The following PAOX variants were observed in gnomAD, a reference collection of about 807,000 sequenced individuals.
PAOX encodes peroxisomal N(1)-acetyl-spermine/spermidine oxidase.
Under a neutral mutation model 39.0 loss-of-function variants are expected in PAOX, and 38 were observed. That is an observed-to-expected ratio of 0.97 (90% CI 0.75 to 1.28). The LOEUF (loss-of-function observed/expected upper bound fraction) is 1.28, where lower values mean the gene tolerates loss of function less well. Ranked by LOEUF, PAOX falls within the 50% of genes most tolerant of loss-of-function variation. The pLI is 0.00. For missense variants in PAOX, 667 were observed against 685.7 expected (o/e 0.97, Z 0.30); for synonymous variants, 311 against 314.4 (o/e 0.99, Z 0.11).
chr10:133,380,130 G>A lies in PAOX; in HGVS notation c.313G>A (p.Gly105Arg), dbSNP rs1424217015. The A allele has an allele frequency of 2.5e-6, 4 of 1,585,838 alleles. No individual in the cohort carries two copies. The highest frequency in any genetic ancestry group is 1.3e-5 in the African/African-American group (1 of 74,432). Reference sequence around the variant, plus strand: ...CCAGGAGAACCAGCTGGTGGAGACCGGGGGTCACGTGGGCCTGCCCTCCGT... The same window carrying A: ...CCAGGAGAACCAGCTGGTGGAGACCAGGGGTCACGTGGGCCTGCCCTCCGT... Reference protein sequence around the residue: ...LSQENQLVETGGHVGLPSVSY... With the variant: ...LSQENQLVETRGHVGLPSVSY... The change falls in exon 2 of 7, where the codon GGG becomes AGG. Residue 105 changes from glycine to arginine, a missense_variant. By Grantham distance (125) the Gly-to-Arg change is moderately radical. Transcript: ENST00000278060.
At chr10:133,385,153 C>T (rs985178031) in intron 4 of PAOX, among the ~76,000 whole-genome samples, 2 of 152,048 alleles carry the variant, frequency 1.3e-5, no homozygotes, top group South Asian at 4.1e-4. Flanking sequence ...AAAAATTAGC[C>T]GGTGTGGTGG....
Position 133,389,769 on chromosome 10 carries a change from G to T in PAOX, c.1392+22G>T, listed in dbSNP as rs375839476. ...CCAGGTATGTGGCGTGCCCCAGTCG[G>T]GGGGCGTGGGTCCCGCTGCAGAGGC... On this transcript the variant is annotated intron_variant, in intron 6 of 6. Coordinates refer to ENST00000278060, the MANE Select transcript of PAOX (RefSeq NM_152911.4). The T allele has an allele frequency of 1.9e-5, 28 of 1,454,292 alleles. No individual in the cohort carries two copies. In the East Asian group the frequency reaches 5.0e-4, roughly 26 times the overall value. The allele number at this position is 1,454,292 out of a possible 1,614,324, so 90.1% of individuals were successfully genotyped here.
At chr10:133,381,029 G>T (rs888061484) in intron 2 of PAOX, among the ~76,000 whole-genome samples, 1 of 152,212 alleles carries the variant, frequency 6.6e-6, no homozygotes, top group Non-Finnish European at 1.5e-5. Flanking sequence ...CTGTATTTAT[G>T]AGGGGCTTCA....
chr10:133,380,870 C>T (rs558908589), intron 2 of PAOX, among the ~76,000 whole-genome samples: 19 of 152,046 alleles, frequency 1.2e-4, no homozygotes, highest in East Asian at 1.9e-4. Context: ...CCCAGCTACT[C>T]GGGAGGCTGA....
At position 133,379,348 on chromosome 10, in the gene PAOX, C is replaced by A; in HGVS notation, c.32C>A (p.Pro11Gln). ...TCGACCGGCAGCGTCGGGGAGGCCC[C>A]GGGCGGACCCCGGGTGCTGGTGGTG... MESTGSVGEAPGGPRVLVVGG... is the reference protein window; with the variant it reads MESTGSVGEAQGGPRVLVVGG... Residue 11 changes from proline (P) to glutamine (Q), a missense_variant, in exon 1 of 7, where the codon CCG (proline) becomes CAG (glutamine). Pro to Gln is a moderately conservative substitution (Grantham distance 76). Coordinates refer to ENST00000278060, the MANE Select transcript of PAOX (RefSeq NM_152911.4). The A allele has an allele frequency of 1.6e-6, 2 of 1,217,914 alleles. No individual in the cohort carries two copies. The highest frequency in any genetic ancestry group is 1.0e-6 in the Non-Finnish European group (1 of 979,186). The allele number at this position is 1,217,914 out of a possible 1,614,324, so 75.4% of individuals were successfully genotyped here. A position where few individuals can be genotyped will look rare whatever the true frequency, so the allele number is the denominator to read the frequency against.
intron 6 of PAOX, chr10:133,391,066 G>C: frequency 1.4e-6 from 1 of 698,006 alleles, no homozygotes; most frequent in Non-Finnish European, 2.6e-6. Flanking sequence ...GTGGATGCGT[G>C]TGAGCCGTTT....
In PAOX at chr10:133,381,628, GGC is replaced by G. The variant is rs1849384612; in HGVS notation, c.840_841del (p.His281ProfsTer12). On this transcript the variant is annotated frameshift_variant, in exon 3 of 7. Coordinates refer to ENST00000278060, the MANE Select transcript of PAOX (RefSeq NM_152911.4). LOFTEE classifies it high-confidence loss of function. ...VECEDGDRFP[A>X]HHVIVTVPLG... Reference sequence around the variant, plus strand: ...AGTGTGAGGATGGAGACCGGTTCCCGGCGCACCATGTCATCGTCACCGTGCCC... The same window carrying G: ...AGTGTGAGGATGGAGACCGGTTCCCGGCACCATGTCATCGTCACCGTGCCC... 1 of 1,613,182 alleles carries G rather than the reference GGC, an allele frequency of 6.2e-7. No homozygotes were observed. Among genetic ancestry groups the G allele is most frequent in the African/African-American group, 1.3e-5 (1 of 74,912 alleles).
At position 133,388,524 on chromosome 10, in the gene PAOX, C is replaced by T. The variant is rs994458150; in HGVS notation, c.1122-432C>T. ...GTGCAGTGGTGGGAACGCCTGTAGG[C>T]GCATGTGGATCCTGTTGCTGCCTGA... is the stretch of plus-strand genomic sequence containing the variant. On this transcript the variant is annotated intron_variant, in intron 4 of 6. Coordinates refer to ENST00000278060, the MANE Select transcript of PAOX (RefSeq NM_152911.4). Among the ~76,000 whole-genome samples the T allele has an allele frequency of 3.3e-5, 5 of 152,208 alleles. No individual in the cohort carries two copies. In the East Asian group the frequency reaches 5.8e-4, roughly 18 times the overall value.
At position 133,381,483 on chromosome 10, in the gene PAOX, GC is replaced by G; in HGVS notation, c.693del (p.Cys231Ter). On this transcript the variant is annotated frameshift_variant, in exon 3 of 7. Coordinates refer to ENST00000278060, the MANE Select transcript of PAOX (RefSeq NM_152911.4). LOFTEE classifies it high-confidence loss of function. ...FSKGYQGLTN[C>X]MMAALPEDTV... ...AGGGGCTATCAAGGACTCACAAACT[GC>G]ATGATGGCCGCCCTGCCGGAGGACA... 1 of 1,613,770 alleles carries G rather than the reference GC, an allele frequency of 6.2e-7. No individual in the cohort carries two copies. The highest frequency in any genetic ancestry group is 8.5e-7 in the Non-Finnish European group (1 of 1,180,032).
At position 133,384,187 on chromosome 10, in the gene PAOX, G is replaced by C; in HGVS notation, c.1096G>C (p.Gly366Arg). Reference protein sequence around the residue: ...LQDAWFRKLIGFVVLPAFASV... With the variant: ...LQDAWFRKLIRFVVLPAFASV... ...GGACGCCTGGTTCCGGAAGCTCATTGGCTTTGTGGTCCTGCCTGCCTTTGC... is the reference window on the plus strand; with the variant it reads ...GGACGCCTGGTTCCGGAAGCTCATTCGCTTTGTGGTCCTGCCTGCCTTTGC... Residue 366 changes from glycine to arginine, a missense_variant, in exon 4 of 7, where the codon GGC (glycine) becomes CGC (arginine). Coordinates refer to ENST00000278060, the MANE Select transcript of PAOX (RefSeq NM_152911.4). The surrounding 1 kb of genome is among the most constrained non-coding windows in gnomAD (Gnocchi z 4.3). The C allele has an allele frequency of 1.9e-6, 3 of 1,613,992 alleles. No individual in the cohort carries two copies.
chr10:133,389,166 T>A, intron 5 of PAOX, 98 bp downstream of exon 5: 1 of 971,702 alleles, frequency 1.0e-6, no homozygotes. Context: ...AAACTAAATT[T>A]GGCTGACTCT....
rs142700329 is a variant in PAOX, at chr10:133,391,465, G to C, written c.*10G>C. On this transcript the variant is annotated 3_prime_UTR_variant, in exon 7 of 7. Coordinates refer to ENST00000278060, the MANE Select transcript of PAOX (RefSeq NM_152911.4). ...CAGGCCCAGGCTCTAGCTGGGCCCAGCCTACTCTGTTCCACCCGTGTCGGG... is the reference window on the plus strand; with the variant it reads ...CAGGCCCAGGCTCTAGCTGGGCCCACCCTACTCTGTTCCACCCGTGTCGGG... 1.1e-3 allele frequency: 1,710 copies of C among 1,609,692 alleles called. 29 individuals are homozygous for C. The South Asian group carries it at 0.018, about 17-fold the overall frequency.
chr10:133,384,195 G>GGTCC lies in PAOX; in HGVS notation c.1105_1108dup (p.Leu370ArgfsTer19), dbSNP rs1207139335. ...GGTTCCGGAAGCTCATTGGCTTTGTGGTCCTGCCTGCCTTTGCGTACGTTT... is the reference window on the plus strand; with the variant it reads ...GGTTCCGGAAGCTCATTGGCTTTGTGGTCCGTCCTGCCTGCCTTTGCGTACGTTT... On this transcript the variant is annotated frameshift_variant, in exon 4 of 7. Transcript: ENST00000278060. LOFTEE classifies it high-confidence loss of function. This position sits in a 1 kb window ranked among gnomAD's most constrained non-coding sequence, Gnocchi z 4.3. 1.2e-6 allele frequency: 2 copies of GGTCC among 1,613,652 alleles called. No homozygotes were observed. Among genetic ancestry groups the GGTCC allele is most frequent in the Non-Finnish European group, 1.7e-6 (2 of 1,179,948 alleles).
chr10:133,379,607 C>G (rs1849294283), intron 1 of PAOX, 110 bp downstream of exon 1: 2 of 901,050 alleles, frequency 2.2e-6, no homozygotes, highest in Non-Finnish European at 2.9e-6. Flanking sequence ...TCACCGGGCT[C>G]CCCGAGGGAA....
At chr10:133,382,126 A>G (rs1157172024) in intron 3 of PAOX, among the ~76,000 whole-genome samples, 1 of 152,196 alleles carries the variant, frequency 6.6e-6, no homozygotes, top group African/African-American at 2.4e-5. Flanking sequence ...CAGAGTTACT[A>G]GGATAATTGC....
At chr10:133,379,771 C>A in intron 1 of PAOX, 2 of 561,090 alleles carry the variant, frequency 3.6e-6, no homozygotes, top group Non-Finnish European at 5.6e-6. Context: ...GGTACGCCCA[C>A]CCTGCGCCCC....
Position 133,380,195 on chromosome 10 carries a change from GGT to G in PAOX, c.380_381del (p.Val127GlyfsTer47), listed in dbSNP as rs1241640065. ...CCGGGGCCAGCGTGAGCCTCCAGCTGGTGGCGGAGATGGCGACTCTGTTCTAC... is the reference window on the plus strand; with the variant it reads ...CCGGGGCCAGCGTGAGCCTCCAGCTGGGCGGAGATGGCGACTCTGTTCTAC... Reference protein sequence around the residue: ...SSGASVSLQLVAEMATLFYGL... With the variant: ...SSGASVSLQLXAEMATLFYGL... On this transcript the variant is annotated frameshift_variant, in exon 2 of 7. Transcript: ENST00000278060. LOFTEE classifies it high-confidence loss of function. 6.2e-7 allele frequency: 1 copy of G among 1,612,564 alleles called. No homozygotes were observed. Among genetic ancestry groups the G allele is most frequent in the Non-Finnish European group, 8.5e-7 (1 of 1,179,744 alleles).
chr10:133,385,014 G>C (rs978947728), intron 4 of PAOX, among the ~76,000 whole-genome samples: 1 of 152,180 alleles, frequency 6.6e-6, no homozygotes, highest in Non-Finnish European at 1.5e-5. Flanking sequence ...CTGGCATTTC[G>C]GCCAGGCGCG....
rs368278853 is a variant in PAOX at position 133,389,729 on chromosome 10, A to G, written c.1374A>G (p.Ala458=). ...DLDLLAQPLP[A]DGAGAQLQIL... ...ACCTGCTGGCTCAGCCCCTCCCTGC[A>G]GACGGCGCCGGCGCCCAGGTATGTG... The change falls in exon 6 of 7, where the codon GCA becomes GCG. Residue 458 remains alanine (A), a synonymous_variant. Coordinates refer to ENST00000278060, the MANE Select transcript of PAOX (RefSeq NM_152911.4). 6.4e-7 allele frequency: 1 copy of G among 1,557,332 alleles called. No individual in the cohort carries two copies. Among genetic ancestry groups the G allele is most frequent in the Non-Finnish European group, 8.7e-7 (1 of 1,149,812 alleles).
Sources: gnomAD v4.1 joint callset for allele counts (sites outside exome capture counted in the v4.1 genomes callset) on GRCh38, gnomAD v4.1.1 for gene constraint, Gnocchi (gnomAD v3.1) non-coding constraint, MANE v1.5 for transcripts, NCBI Gene and HGNC (gene_info 2026-07-23, HGNC 2026-07-21) for gene names.